The following CARMIL3 variants were observed in gnomAD, a reference collection of about 807,000 sequenced individuals.
The protein encoded by CARMIL3 is capping protein, Arp2/3 and myosin-I linker protein 3.
In CARMIL3, 88 loss-of-function variants were observed where a neutral mutation model predicts 180.8. The ratio of observed to expected loss-of-function variants is 0.49; its 90% CI spans 0.41 to 0.58. The LOEUF is 0.58. Ranked by LOEUF, CARMIL3 falls within the 20% of genes least tolerant of loss-of-function variation. The pLI, the probability that CARMIL3 is intolerant of heterozygous loss-of-function variation, is 0.00. For missense variants in CARMIL3, 1,548 were observed against 1,787.0 expected (o/e 0.87, Z 2.41); for synonymous variants, 696 against 714.5 (o/e 0.97, Z 0.41).
Position 24,060,537 on chromosome 14 carries a change from G to A in CARMIL3, c.2062-91G>A, listed in dbSNP as rs185571612. On this transcript the variant is annotated intron_variant, in intron 24 of 39. Coordinates refer to ENST00000342740, the MANE Select transcript of CARMIL3 (RefSeq NM_138360.4). ...CAGAGACATCACCTCCACCACTGTC[G>A]GTGCCAGCACCAGTAGCACTGTCTA... is the stretch of plus-strand genomic sequence containing the variant. The A allele has an allele frequency of 1.5e-4, 228 of 1,535,344 alleles. No individual in the cohort carries two copies. The East Asian group carries it at 3.2e-3, about 21-fold the overall frequency.
intron 8 of CARMIL3, 73 bp downstream of exon 8, chr14:24,055,383 C>A: frequency 5.2e-6 from 8 of 1,547,328 alleles, no homozygotes; most frequent in Non-Finnish European, 7.1e-6. Flanking sequence ...CCCAGGAGTG[C>A]CCTTCTGGTC....
intron 36 of CARMIL3, 27 bp downstream of exon 36, chr14:24,066,683 A>G: frequency 1.2e-6 from 2 of 1,609,918 alleles, no homozygotes; most frequent in East Asian, 2.2e-5. Context: ...TTCAGGCAGC[A>G]GTACTGAAAG....
At chr14:24,066,766 G>A (rs903812128) in intron 36 of CARMIL3, 110 bp downstream of exon 36, 12 of 1,105,444 alleles carry the variant, frequency 1.1e-5, no homozygotes, top group African/African-American at 4.7e-5. Flanking sequence ...GTGGGGCAGT[G>A]AGAAGTCAAC....
Position 24,063,120 on chromosome 14 carries a change from GAC to G in CARMIL3, c.2710_2711del (p.Thr904HisfsTer51). ...CTGCCACTCGTCTTCATTTCTGCAG[GAC>G]ACCATGGCCATCAAAAAGCAGAAAC... is the stretch of plus-strand genomic sequence containing the variant. ...TTDDELGTNI[D>X]TMAIKKQKRC... On this transcript the variant is annotated frameshift_variant and splice_region_variant, in exon 30 of 40. Coordinates refer to ENST00000342740, the MANE Select transcript of CARMIL3 (RefSeq NM_138360.4). LOFTEE classifies it high-confidence loss of function. The G allele has an allele frequency of 6.2e-7, 1 of 1,612,312 alleles. No homozygotes were observed. Among genetic ancestry groups the G allele is most frequent in the South Asian group, 1.1e-5 (1 of 91,050 alleles).
Position 24,058,295 on chromosome 14 carries a change from C to A in CARMIL3, c.1392+71C>A. ...GCATTTCTCAGACCTAAGTCAAACC[C>A]TGGCTCCATCTAGCCTCTGTGCTGA... On this transcript the variant is annotated intron_variant, in intron 17 of 39. Transcript: ENST00000342740. This position sits in a 1 kb window ranked among gnomAD's most constrained non-coding sequence, Gnocchi z 6.4. 1 of 1,504,916 alleles carries A rather than the reference C, an allele frequency of 6.6e-7. No homozygotes were observed. The highest frequency in any genetic ancestry group is 9.0e-7 in the Non-Finnish European group (1 of 1,107,520). The allele number at this position is 1,504,916 out of a possible 1,614,324, so 93.2% of individuals were successfully genotyped here. A position where few individuals can be genotyped will look rare whatever the true frequency, so the allele number is the denominator to read the frequency against.
chr14:24,064,414 C>T (rs919206466), intron 32 of CARMIL3, 68 bp downstream of exon 32: 55 of 1,192,252 alleles, frequency 4.6e-5, no homozygotes, highest in Non-Finnish European at 6.2e-5. Context: ...CTGTGTCCTC[C>T]CAGCTCCCAT....
intron 32 of CARMIL3, among the ~76,000 whole-genome samples, chr14:24,064,653 C>CG (rs35968612): frequency 0.39 from 59,753 of 151,986 alleles, 14,391 homozygotes; most frequent in Middle Eastern, 0.59. Flanking sequence ...GTGAGAGGCC[C>CG]GGGGGGTAGT....
chr14:24,066,272 C>A, intron 34 of CARMIL3, 126 bp from the exon 35 acceptor site: 1 of 1,147,324 alleles, frequency 8.7e-7, no homozygotes, highest in Non-Finnish European at 1.3e-6. Context: ...CTTTGGGAAA[C>A]AGTTTTAAGT....
Position 24,059,741 on chromosome 14 carries a change from A to G in CARMIL3, c.1868+9A>G. 1 of 1,613,758 alleles carries G rather than the reference A, an allele frequency of 6.2e-7. No homozygotes were observed. The highest frequency in any genetic ancestry group is 8.5e-7 in the Non-Finnish European group (1 of 1,179,792). On this transcript the variant is annotated intron_variant, in intron 22 of 39. Transcript: ENST00000342740. The surrounding 1 kb of genome is among the most constrained non-coding windows in gnomAD (Gnocchi z 6.3). ...GCAAGGGCCCTGGAGAGGTGAGTAGACCATGGTCCTGCCCTGATCCAAGTC... is the reference window on the plus strand; with the variant it reads ...GCAAGGGCCCTGGAGAGGTGAGTAGGCCATGGTCCTGCCCTGATCCAAGTC...
chr14:24,054,419 C>T lies in CARMIL3; in HGVS notation c.270C>T (p.Gly90=). 1 of 1,614,124 alleles carries T rather than the reference C, an allele frequency of 6.2e-7. No individual in the cohort carries two copies. The highest frequency in any genetic ancestry group is 1.1e-5 in the South Asian group (1 of 91,086). The stretch of plus-strand genomic sequence containing the variant: ...AGATCCTGGTGGAGACGGAGCGTGG[C>T]ATGGTGAGCATGCGACTGCCATCAG... The part of the protein sequence containing the change: ...QNQILVETER[G]MVSMRLPSAE... The change falls in exon 5 of 40, where the codon GGC becomes GGT. Residue 90 remains glycine (G), a synonymous_variant. Coordinates refer to ENST00000342740, the MANE Select transcript of CARMIL3 (RefSeq NM_138360.4). The surrounding 1 kb of genome is among the most constrained non-coding windows in gnomAD (Gnocchi z 5.1).
Position 24,052,322 on chromosome 14 carries a change from G to C in CARMIL3, c.40+129G>C, listed in dbSNP as rs551958348. On this transcript the variant is annotated intron_variant, in intron 1 of 39. Coordinates refer to ENST00000342740, the MANE Select transcript of CARMIL3 (RefSeq NM_138360.4). ...CCCCATGCATCCTGGCTCCAAGGCA[G>C]CCCCTGCATTCCAGTCCGGGCATCG... 6 of 901,718 alleles carry C rather than the reference G, an allele frequency of 6.7e-6. No individual in the cohort carries two copies. The African/African-American group carries it at 1.0e-4, about 16-fold the overall frequency. The allele number at this position is 901,718 out of a possible 1,614,324, so 55.9% of individuals were successfully genotyped here. A position where few individuals can be genotyped will look rare whatever the true frequency, so the allele number is the denominator to read the frequency against.
intron 33 of CARMIL3, 170 bp downstream of exon 33, chr14:24,065,443 G>A (rs1367105084): frequency 1.1e-5 from 12 of 1,070,426 alleles, no homozygotes; most frequent in Non-Finnish European, 1.6e-5. Context: ...CAGTGGCCAA[G>A]AGCATGCTGG....
At position 24,055,571 on chromosome 14, in the gene CARMIL3, G is replaced by T; in HGVS notation, c.634G>T (p.Ala212Ser). The T allele has an allele frequency of 6.2e-7, 1 of 1,614,128 alleles. No individual in the cohort carries two copies. ...CTTGGCCCTAATGGTAGCAGCCCTG[G>T]CCTACAACCAGTGGTTCACCAAACT... Reference protein sequence around the residue: ...RDLALMVAALAYNQWFTKLYC... With the variant: ...RDLALMVAALSYNQWFTKLYC... Residue 212 changes from alanine to serine, a missense_variant, in exon 9 of 40, where the codon GCC becomes TCC. Ala to Ser is a moderately conservative substitution (Grantham distance 99). Around this residue, in one of 4 missense-constraint regions of CARMIL3, gnomAD observed 578 missense variants for 666.5 expected, o/e 0.87. Coordinates refer to ENST00000342740, the MANE Select transcript of CARMIL3 (RefSeq NM_138360.4).
rs1258057727 is a variant in CARMIL3 at position 24,063,321 on chromosome 14, G to A, written c.2771-4G>A. 6.3e-7 allele frequency: 1 copy of A among 1,593,332 alleles called. No individual in the cohort carries two copies. The highest frequency in any genetic ancestry group is 1.7e-5 in the Admixed American group (1 of 58,984). On this transcript the variant is annotated splice_region_variant and splice_polypyrimidine_tract_variant and intron_variant, in intron 30 of 39. Transcript: ENST00000342740. The stretch of plus-strand genomic sequence containing the variant: ...TAGTCCCTCTAATGCTGCTGTCTTT[G>A]CAGGCGGGAGCCCTCAGGACATGGA...
rs372837552 is a variant in CARMIL3, at chr14:24,065,594, T to C, written c.3397-28T>C. On this transcript the variant is annotated intron_variant, in intron 33 of 39. Transcript: ENST00000342740. The stretch of plus-strand genomic sequence containing the variant: ...TGGGGAGCCCCCTTCGACTGGGAAC[T>C]GCTAATAAATAAGAGACCTTGTTCT... The C allele has an allele frequency of 1.6e-4, 252 of 1,584,064 alleles. 1 individual carries two copies. The highest frequency in any genetic ancestry group is 2.2e-4 in the Admixed American group (12 of 53,556).
chr14:24,059,743 C>T lies in CARMIL3; in HGVS notation c.1868+11C>T, dbSNP rs1566540576. On this transcript the variant is annotated intron_variant, in intron 22 of 39. Transcript: ENST00000342740. This position sits in a 1 kb window ranked among gnomAD's most constrained non-coding sequence, Gnocchi z 6.3. The stretch of plus-strand genomic sequence containing the variant: ...AAGGGCCCTGGAGAGGTGAGTAGAC[C>T]ATGGTCCTGCCCTGATCCAAGTCCC... The T allele has an allele frequency of 3.7e-6, 6 of 1,613,710 alleles. No individual in the cohort carries two copies. The highest frequency in any genetic ancestry group is 5.1e-6 in the Non-Finnish European group (6 of 1,179,740).
rs1249568066 is a variant in CARMIL3, at chr14:24,061,271, G to C, written c.2305-226G>C. On this transcript the variant is annotated intron_variant, in intron 26 of 39. Transcript: ENST00000342740. This position sits in a 1 kb window ranked among gnomAD's most constrained non-coding sequence, Gnocchi z 4.1. The stretch of plus-strand genomic sequence containing the variant: ...ACTCTGACCTCCCTGCTCTGGATTT[G>C]GATCCTTGGACTGACTGCCCCTGTC... 1 of 632,260 alleles carries C rather than the reference G, an allele frequency of 1.6e-6. No homozygotes were observed. The highest frequency in any genetic ancestry group is 2.9e-5 in the Admixed American group (1 of 34,074). The allele number at this position is 632,260 out of a possible 1,614,324, so 39.2% of individuals were successfully genotyped here.
At chr14:24,055,021 C>G in intron 6 of CARMIL3, 45 bp from the exon 7 acceptor site, 1 of 1,598,902 alleles carries the variant, frequency 6.3e-7, no homozygotes, top group South Asian at 1.1e-5. Flanking sequence ...AGCCTATTCC[C>G]CATCTCCTTA....
rs2035688159 is a variant in CARMIL3 at position 24,057,884 on chromosome 14, G to A, written c.1217+5G>A. On this transcript the variant is annotated splice_donor_5th_base_variant and intron_variant, in intron 15 of 39. Coordinates refer to ENST00000342740, the MANE Select transcript of CARMIL3 (RefSeq NM_138360.4). ...TCGCAACAGCTGCTCCCACAGGTGG[G>A]AGAGGAGGGGGAAGGGAGGACAGGG... 1.2e-6 allele frequency: 2 copies of A among 1,613,098 alleles called. No individual in the cohort carries two copies. Among genetic ancestry groups the A allele is most frequent in the East Asian group, 2.2e-5 (1 of 44,858 alleles).
Sources: allele counts gnomAD v4.1 joint callset (sites outside exome capture counted in the v4.1 genomes callset), GRCh38; gene constraint gnomAD v4.1.1; regional missense constraint gnomAD v4.1.1; non-coding constraint Gnocchi (gnomAD v3.1); transcripts MANE v1.5; gene names NCBI Gene and HGNC (gene_info 2026-07-23, HGNC 2026-07-21).